The following RCL1 variants were observed in gnomAD, a reference collection of about 807,000 sequenced individuals.
RCL1 encodes RNA 3'-terminal phosphate cyclase-like protein.
A neutral mutation model predicts 42.4 loss-of-function variants in RCL1; 24 were observed. The ratio of observed to expected loss-of-function variants is 0.57; its 90% CI spans 0.41 to 0.80. RCL1 has a LOEUF of 0.80. Among genes scored for constraint, RCL1 ranks in the 30% least tolerant of loss-of-function variants. The pLI, the probability that RCL1 is intolerant of heterozygous loss-of-function variation, is 0.00. For missense variants in RCL1, 578 were observed against 467.9 expected (o/e 1.24, Z -2.17); for synonymous variants, 228 against 177.3 (o/e 1.29, Z -2.27).
At chr9:4,809,378 T>G (rs2130980001) in intron 1 of RCL1, among the ~76,000 whole-genome samples, 1 of 152,154 alleles carries the variant, frequency 6.6e-6, no homozygotes, top group Middle Eastern at 3.4e-3. Context: ...GGCAAGATCT[T>G]GGCTCACTGC....
rs1416001437 is a variant in RCL1 at position 4,844,742 on chromosome 9, C to T, written c.867+61C>T. 9 of 1,527,798 alleles carry T rather than the reference C, an allele frequency of 5.9e-6. No homozygotes were observed. The East Asian group carries it at 6.8e-5, about 12-fold the overall frequency. 94.6% of individuals were successfully genotyped at this position (1,527,798 alleles called of 1,614,324 possible). ...AGGAAGCAGTTTGTTTTCTCATTCT[C>T]ATCTCTTGGCAGCTTTCGTCCTCTT... On this transcript the variant is annotated intron_variant, in intron 7 of 8. Coordinates refer to ENST00000381750, the MANE Select transcript of RCL1 (RefSeq NM_005772.5).
chr9:4,834,267 T>C lies in RCL1; in HGVS notation c.584+2T>C. On this transcript the variant is annotated splice_donor_variant, in intron 5 of 8. Coordinates refer to ENST00000381750, the MANE Select transcript of RCL1 (RefSeq NM_005772.5). LOFTEE classifies it high-confidence loss of function. Reference sequence around the variant, plus strand: ...AATCAAACGTATTAGAGGAATGGCGTATCCTTTCCATTTATTTGGATTTCT... The same window carrying C: ...AATCAAACGTATTAGAGGAATGGCGCATCCTTTCCATTTATTTGGATTTCT... 1 of 1,608,230 alleles carries C rather than the reference T, an allele frequency of 6.2e-7. No individual in the cohort carries two copies. Among genetic ancestry groups the C allele is most frequent in the Admixed American group, 1.7e-5 (1 of 59,532 alleles).
intron 1 of RCL1, among the ~76,000 whole-genome samples, chr9:4,807,728 A>G (rs1056127490): frequency 6.6e-6 from 1 of 152,152 alleles, no homozygotes; most frequent in Admixed American, 6.5e-5. Context: ...CGTGTTGGTC[A>G]GGTTGGCCTC....
At chr9:4,809,943 A>G (rs949289079) in intron 1 of RCL1, among the ~76,000 whole-genome samples, 3 of 152,094 alleles carry the variant, frequency 2.0e-5, no homozygotes, top group African/African-American at 4.8e-5. Context: ...CAGCCTCCCA[A>G]GTAGCTGGGA....
chr9:4,819,988 A>T (rs570210554), intron 1 of RCL1, among the ~76,000 whole-genome samples: 3 of 152,198 alleles, frequency 2.0e-5, no homozygotes, highest in Non-Finnish European at 4.4e-5. Context: ...ACAAAAAGAA[A>T]TATAACTTTG....
intron 1 of RCL1, among the ~76,000 whole-genome samples, chr9:4,798,088 G>C (rs573366563): frequency 1.3e-5 from 2 of 152,306 alleles, no homozygotes; most frequent in Admixed American, 1.3e-4. Context: ...GAAGACAAAC[G>C]TGTAGTGAGG....
chr9:4,855,072 A>AAAACC (rs56709677), intron 8 of RCL1, among the ~76,000 whole-genome samples: 1 of 140,628 alleles, frequency 7.1e-6, no homozygotes, highest in Non-Finnish European at 1.5e-5. Context: ...AAAAAAAAAA[A>AAAACC]ATAGGAAAAG....
At chr9:4,848,843 G>A (rs1215151079) in intron 7 of RCL1, among the ~76,000 whole-genome samples, 3 of 152,150 alleles carry the variant, frequency 2.0e-5, no homozygotes, top group African/African-American at 7.2e-5. Context: ...TTATACATAA[G>A]TAGTAAGAAT....
intron 8 of RCL1, among the ~76,000 whole-genome samples, chr9:4,850,699 A>G (rs1204945323): frequency 6.6e-6 from 1 of 152,182 alleles, no homozygotes; most frequent in Admixed American, 6.5e-5. Flanking sequence ...TAACATCAGT[A>G]GTAAACAATG....
At chr9:4,814,319 T>A (rs296846) in intron 1 of RCL1, among the ~76,000 whole-genome samples, 2 of 151,628 alleles carry the variant, frequency 1.3e-5, no homozygotes, top group Non-Finnish European at 2.9e-5. Flanking sequence ...GGTCTGACTT[T>A]GTTGCCCACG....
Position 4,852,874 on chromosome 9 carries a change from C to A in RCL1, c.971+3324C>A, listed in dbSNP as rs180890812. Reference sequence around the variant, plus strand: ...TTTGAACCCCAGGAGGCCTAGTAAACTTGCTTTGGGTGATTTTAGGGTTTA... The same window carrying A: ...TTTGAACCCCAGGAGGCCTAGTAAAATTGCTTTGGGTGATTTTAGGGTTTA... On this transcript the variant is annotated intron_variant, in intron 8 of 8. Transcript: ENST00000381750. 2.3e-3 allele frequency among the ~76,000 whole-genome samples: 345 copies of A among 151,942 alleles called. 2 individuals carry two copies. Among genetic ancestry groups the A allele is most frequent in the Non-Finnish European group, 4.0e-3 (271 of 67,980 alleles).
intron 3 of RCL1, among the ~76,000 whole-genome samples, chr9:4,828,064 T>C (rs1816824257): frequency 6.7e-6 from 1 of 149,678 alleles, no homozygotes; most frequent in Non-Finnish European, 1.5e-5. Flanking sequence ...CGGGCGCCTG[T>C]AGTGCCAGCT....
At chr9:4,818,136 G>C (rs1816457463) in intron 1 of RCL1, among the ~76,000 whole-genome samples, 1 of 151,610 alleles carries the variant, frequency 6.6e-6, no homozygotes, top group Non-Finnish European at 1.5e-5. Flanking sequence ...GGCCAGGCTG[G>C]TCTTGAACTC....
At chr9:4,819,634 C>A (rs1007170348) in intron 1 of RCL1, among the ~76,000 whole-genome samples, 1 of 152,132 alleles carries the variant, frequency 6.6e-6, no homozygotes, top group Non-Finnish European at 1.5e-5. Context: ...TGGTGAAACC[C>A]CATCTCTACT....
chr9:4,836,060 G>C (rs560319549), intron 5 of RCL1, among the ~76,000 whole-genome samples: 3 of 152,250 alleles, frequency 2.0e-5, no homozygotes, highest in South Asian at 4.1e-4. Context: ...GGATAAGAGA[G>C]TGTGACAAGG....
At chr9:4,856,442 C>G (rs752672409) in intron 8 of RCL1, among the ~76,000 whole-genome samples, 3 of 152,086 alleles carry the variant, frequency 2.0e-5, no homozygotes, top group Non-Finnish European at 2.9e-5. Flanking sequence ...GGAGAAGAGC[C>G]TCTTTACTGA....
intron 5 of RCL1, among the ~76,000 whole-genome samples, chr9:4,839,139 C>T (rs758205463): frequency 5.9e-5 from 9 of 152,190 alleles, no homozygotes; most frequent in Non-Finnish European, 1.3e-4. Flanking sequence ...AGTAGGACAT[C>T]CATGCCAAGC....
At chr9:4,812,354 T>G (rs987654673) in intron 1 of RCL1, among the ~76,000 whole-genome samples, 3 of 148,014 alleles carry the variant, frequency 2.0e-5, no homozygotes, top group African/African-American at 7.3e-5. Context: ...ATTTTTTTTT[T>G]TAATATGATG....
At chr9:4,851,940 G>C (rs561185589) in intron 8 of RCL1, among the ~76,000 whole-genome samples, 4 of 146,476 alleles carry the variant, frequency 2.7e-5, no homozygotes, top group Non-Finnish European at 5.9e-5. Flanking sequence ...GAGGGCAGAG[G>C]CGCAATCTCC....
Sources: gnomAD v4.1 joint callset for allele counts (sites outside exome capture counted in the v4.1 genomes callset) on GRCh38, gnomAD v4.1.1 for gene constraint, MANE v1.5 for transcripts, NCBI Gene and HGNC (gene_info 2026-07-23, HGNC 2026-07-21) for gene names.